DLG2: variants seen among roughly 807,000 people sequenced by gnomAD.
DLG2 encodes the protein discs large MAGUK scaffold protein 2, also known as disks large homolog 2.
A neutral mutation model predicts 132.5 loss-of-function variants in DLG2; 45 were observed. The ratio of observed to expected loss-of-function variants is 0.34; its 90% CI spans 0.27 to 0.44. The LOEUF is 0.44. DLG2 is among the 20% of genes least tolerant of loss of function. The pLI is 1.00. For synonymous variants in DLG2, 424 were observed against 419.6 expected, an observed-to-expected ratio of 1.01 and a Z score of -0.13; for missense variants, 1,045 against 1,196.9, an observed-to-expected ratio of 0.87 and a Z score of 1.87.
intron 5 of DLG2, among the ~76,000 whole-genome samples, chr11:85,119,967 A>G (rs1338131915): frequency 1.3e-5 from 2 of 152,208 alleles, no homozygotes; most frequent in African/African-American, 4.8e-5. Context: ...GATAAGACAT[A>G]ATTACAACCT....
chr11:84,485,913 T>C (rs2099149540), intron 7 of DLG2, among the ~76,000 whole-genome samples: 1 of 152,122 alleles, frequency 6.6e-6, no homozygotes, highest in African/African-American at 2.4e-5. Context: ...TATATAGTCA[T>C]TCAAGGATCT....
chr11:84,696,164 C>T (rs551918088), intron 6 of DLG2, among the ~76,000 whole-genome samples: 52 of 151,526 alleles, frequency 3.4e-4, no homozygotes, highest in African/African-American at 1.2e-3. Flanking sequence ...CACGGAAATA[C>T]GCAAGAAAAC....
intron 6 of DLG2, among the ~76,000 whole-genome samples, chr11:84,729,142 T>C (rs574190379): frequency 6.6e-6 from 1 of 152,304 alleles, no homozygotes; most frequent in Admixed American, 6.5e-5. Flanking sequence ...TTGAATTTGT[T>C]TGCTGTTGCT....
At chr11:84,612,798 T>C (rs1414716603) in intron 6 of DLG2, among the ~76,000 whole-genome samples, 1 of 152,178 alleles carries the variant, frequency 6.6e-6, no homozygotes, top group African/African-American at 2.4e-5. Context: ...ATAATTTTTA[T>C]TGGTTCAATT....
chr11:83,576,103 T>G (rs530791974), intron 19 of DLG2, among the ~76,000 whole-genome samples: 1 of 152,200 alleles, frequency 6.6e-6, no homozygotes, highest in Admixed American at 6.5e-5. Context: ...AACTACAATG[T>G]TGAAAATGAA....
chr11:84,265,740 G>A (rs905463777), intron 7 of DLG2, among the ~76,000 whole-genome samples: 8 of 152,098 alleles, frequency 5.3e-5, no homozygotes, highest in Non-Finnish European at 7.4e-5. Flanking sequence ...GCAGCAGCAA[G>A]AGTAAAAACA....
At chr11:84,292,973 T>G (rs895895379) in intron 7 of DLG2, among the ~76,000 whole-genome samples, 2 of 152,132 alleles carry the variant, frequency 1.3e-5, no homozygotes, top group African/African-American at 4.8e-5. Flanking sequence ...CAAATATGTA[T>G]TGGGCAGACA....
In DLG2 at chr11:85,122,925, CATGT is replaced by C. The variant is rs1356702234; in HGVS notation, c.283-11194_283-11191del. On this transcript the variant is annotated intron_variant, in intron 5 of 27. Coordinates refer to ENST00000376104, the MANE Select transcript of DLG2 (RefSeq NM_001142699.3). ...ACACACATATTTATACACACACATGCATGTATGTGTGTCTGTATATATATTATAT... is the reference window on the plus strand; with the variant it reads ...ACACACATATTTATACACACACATGCATGTGTGTCTGTATATATATTATAT... Among the ~76,000 whole-genome samples the C allele has an allele frequency of 3.0e-4, 28 of 93,116 alleles. No individual in the cohort carries two copies. In the East Asian group the frequency reaches 8.8e-3, roughly 29 times the overall value. 61.1% of individuals were successfully genotyped at this position (93,116 alleles called of 152,430 possible).
intron 6 of DLG2, among the ~76,000 whole-genome samples, chr11:85,066,426 T>C (rs1240619301): frequency 6.6e-6 from 1 of 151,230 alleles, no homozygotes; most frequent in East Asian, 2.0e-4. Flanking sequence ...GGGGAGAGAA[T>C]CCTCCCTGAC....
chr11:83,791,153 C>A, intron 17 of DLG2: 2 of 642,232 alleles, frequency 3.1e-6, no homozygotes, highest in Non-Finnish European at 5.6e-6. Context: ...GTTTGTGGGT[C>A]GAAGAGGCCA....
At chr11:83,724,510 A>T (rs2089576413) in intron 18 of DLG2, among the ~76,000 whole-genome samples, 3 of 151,072 alleles carry the variant, frequency 2.0e-5, no homozygotes, top group African/African-American at 7.3e-5. Context: ...AGAGAGAGAG[A>T]GAGAGAGAGA....
chr11:85,515,352 G>A (rs1361933758), intron 3 of DLG2, among the ~76,000 whole-genome samples: 1 of 151,924 alleles, frequency 6.6e-6, no homozygotes, highest in Non-Finnish European at 1.5e-5. Context: ...ACTTGTGTAG[G>A]TATGATTAAT....
chr11:85,024,786 T>C (rs1419918955), intron 6 of DLG2, among the ~76,000 whole-genome samples: 9 of 152,212 alleles, frequency 5.9e-5, no homozygotes, highest in Non-Finnish European at 1.2e-4. Flanking sequence ...AGTTTTGTTT[T>C]AGGCTTTCCT....
At chr11:84,095,249 C>T (rs549460891) in intron 10 of DLG2, among the ~76,000 whole-genome samples, 4 of 152,000 alleles carry the variant, frequency 2.6e-5, no homozygotes, top group African/African-American at 7.2e-5. Context: ...AAGGGGAAAA[C>T]GGTGGTAAAA....
At chr11:83,768,772 G>C (rs999186150) in intron 18 of DLG2, among the ~76,000 whole-genome samples, 1 of 152,180 alleles carries the variant, frequency 6.6e-6, no homozygotes, top group Non-Finnish European at 1.5e-5. Flanking sequence ...GCCCATACTA[G>C]TTAAAGGAGC....
chr11:84,183,949 C>A (rs1391031842), intron 8 of DLG2, among the ~76,000 whole-genome samples: 1 of 152,034 alleles, frequency 6.6e-6, no homozygotes, highest in African/African-American at 2.4e-5. Flanking sequence ...TGTATATGTG[C>A]CACATTTTCT....
intron 6 of DLG2, among the ~76,000 whole-genome samples, chr11:84,864,048 T>A (rs1418362594): frequency 1.3e-5 from 2 of 152,220 alleles, no homozygotes; most frequent in Non-Finnish European, 2.9e-5. Flanking sequence ...AGAGATACTT[T>A]ATTCAAGACA....
At chr11:83,863,593 C>T (rs1425510392) in intron 16 of DLG2, among the ~76,000 whole-genome samples, 1 of 152,078 alleles carries the variant, frequency 6.6e-6, no homozygotes, top group Non-Finnish European at 1.5e-5. Flanking sequence ...AGAGAGGGAA[C>T]AAATCCCTAC....
intron 6 of DLG2, among the ~76,000 whole-genome samples, chr11:84,967,569 A>G (rs899755584): frequency 2.0e-5 from 3 of 152,176 alleles, no homozygotes; most frequent in Non-Finnish European, 4.4e-5. Flanking sequence ...TAGAAGAGAT[A>G]GAGAAAAAGT....
Sources: gnomAD v4.1 joint callset for allele counts (sites outside exome capture counted in the v4.1 genomes callset) on GRCh38, gnomAD v4.1.1 for gene constraint, MANE v1.5 for transcripts, NCBI Gene and HGNC (gene_info 2026-07-23, HGNC 2026-07-21) for gene names.